ZFHX3: variants seen among roughly 807,000 people sequenced by gnomAD.
ZFHX3 encodes zinc finger homeobox protein 3.
A neutral mutation model predicts 279.1 loss-of-function variants in ZFHX3; 42 were observed. That is an observed-to-expected ratio of 0.15 (90% confidence interval 0.12 to 0.19). ZFHX3 has a LOEUF of 0.19. Among genes scored for constraint, ZFHX3 ranks in the 10% least tolerant of loss-of-function variants. The pLI is 1.00. For missense variants in ZFHX3, 4,981 were observed against 4,754.0 expected, an observed-to-expected ratio of 1.05 and a Z score of -1.40; for synonymous variants, 2,293 against 1,957.8, an observed-to-expected ratio of 1.17 and a Z score of -4.52.
intron 2 of ZFHX3, among the ~76,000 whole-genome samples, chr16:73,523,056 A>T (rs1435076999): frequency 6.6e-6 from 1 of 152,152 alleles, no homozygotes; most frequent in Non-Finnish European, 1.5e-5. Flanking sequence ...ACTACAATTC[A>T]AGATAAGATT....
intron 8 of ZFHX3, among the ~76,000 whole-genome samples, chr16:73,078,801 T>C (rs9926803): frequency 0.2 from 29,724 of 151,966 alleles, 6,631 homozygotes; most frequent in African/African-American, 0.55. Flanking sequence ...TCCGCCACCA[T>C]GCCAGGCAAT....
intron 2 of ZFHX3, chr16:73,487,027 A>G: frequency 3.0e-6 from 1 of 337,532 alleles, no homozygotes; most frequent in South Asian, 2.4e-5. Context: ...ATGGACAGCA[A>G]TAACAGAACT....
Position 73,807,620 on chromosome 16 carries a change from A to ATTTTTTT in ZFHX3, c.-1608+84024_-1608+84030dup, listed in dbSNP as rs55806545. ...TACAGGCACATTCCACCATGCCCCA[A>ATTTTTTT]TTTTTTTTTTTTTTTTTTTTTTTTT... On this transcript the variant is annotated intron_variant, in intron 1 of 17. Coordinates refer to the ZFHX3 transcript ENST00000641206. 6.8e-4 allele frequency among the ~76,000 whole-genome samples: 48 copies of ATTTTTTT among 70,582 alleles called. 2 individuals are homozygous for ATTTTTTT. The highest frequency in any genetic ancestry group is 1.8e-3 in the African/African-American group (32 of 18,274). The allele number at this position is 70,582 out of a possible 152,430, so 46.3% of individuals were successfully genotyped here.
At chr16:73,523,778 T>C (rs1024741893) in intron 2 of ZFHX3, among the ~76,000 whole-genome samples, 1 of 152,156 alleles carries the variant, frequency 6.6e-6, no homozygotes, top group African/African-American at 2.4e-5. Context: ...CTGATGAAAC[T>C]CTATCCTTTA....
At chr16:73,580,504 C>A (rs911196307) in intron 2 of ZFHX3, among the ~76,000 whole-genome samples, 21 of 140,374 alleles carry the variant, frequency 1.5e-4, no homozygotes, top group Non-Finnish European at 2.5e-4. Context: ...AACAAACAAA[C>A]AAACAAAAAA....
At chr16:73,847,714 GT>G (rs1217828112) in intron 1 of ZFHX3, among the ~76,000 whole-genome samples, 146 of 151,996 alleles carry the variant, frequency 9.6e-4, no homozygotes, top group Non-Finnish European at 1.8e-4. Flanking sequence ...TCAGTGTCTA[GT>G]ATATAGCAAG....
At chr16:73,880,227 A>G (rs2030098469) in intron 1 of ZFHX3, among the ~76,000 whole-genome samples, 1 of 152,168 alleles carries the variant, frequency 6.6e-6, no homozygotes, top group Non-Finnish European at 1.5e-5. Context: ...AAATTTTGCC[A>G]TCAAAATGAA....
Position 72,964,980 on chromosome 16 carries a change from C to T in ZFHX3, c.-49-4786G>A, listed in dbSNP as rs146347250. 2.5e-3 allele frequency among the ~76,000 whole-genome samples: 373 copies of T among 152,200 alleles called. 8 individuals carry two copies. The highest frequency in any genetic ancestry group is 0.023 in the Admixed American group (348 of 15,294). On this transcript the variant is annotated intron_variant, in intron 1 of 9. Coordinates refer to ENST00000268489, the MANE Select transcript of ZFHX3 (RefSeq NM_006885.4). ...GCAACCTCTGCCTCTTGGGCTCAAG[C>T]GATTCTCCTGCCTCACCCTCCTGAG... is the stretch of plus-strand genomic sequence containing the variant.
intron 1 of ZFHX3, among the ~76,000 whole-genome samples, chr16:73,713,758 C>T (rs779253805): frequency 2.9e-4 from 44 of 152,028 alleles, no homozygotes; most frequent in East Asian, 1.9e-4. Flanking sequence ...TATGCTCACG[C>T]TTTGACACCA....
In ZFHX3 at chr16:72,784,571, T is replaced by C. The variant is rs1567500849; in HGVS notation, c.*2593A>G. 1 of 151,870 alleles carries C rather than the reference T, an allele frequency of 6.6e-6. No individual in the cohort carries two copies. The highest frequency in any genetic ancestry group is 2.4e-5 in the African/African-American group (1 of 41,310). The allele number at this position is 151,870 out of a possible 1,614,324, so 9.4% of individuals were successfully genotyped here. ...TATATATATATATATTTCATAGAGTTACAAACAAGATAAAATAATGGAAAA... is the reference window on the plus strand; with the variant it reads ...TATATATATATATATTTCATAGAGTCACAAACAAGATAAAATAATGGAAAA... On this transcript the variant is annotated 3_prime_UTR_variant, in exon 10 of 10. Coordinates refer to ENST00000268489, the MANE Select transcript of ZFHX3 (RefSeq NM_006885.4).
intron 4 of ZFHX3, among the ~76,000 whole-genome samples, chr16:73,258,807 T>G (rs888508079): frequency 9.2e-5 from 14 of 152,204 alleles, no homozygotes; most frequent in African/African-American, 3.4e-4. Flanking sequence ...GATCTTTCTT[T>G]TAGACTTTCT....
chr16:73,709,586 T>C (rs755695470), intron 1 of ZFHX3, among the ~76,000 whole-genome samples: 4 of 151,732 alleles, frequency 2.6e-5, no homozygotes, highest in Non-Finnish European at 4.4e-5. Context: ...GTCAAACTCA[T>C]AGAAGTAGAG....
intron 3 of ZFHX3, among the ~76,000 whole-genome samples, chr16:73,338,654 C>A (rs1178689669): frequency 6.6e-6 from 1 of 152,110 alleles, no homozygotes; most frequent in Admixed American, 6.5e-5. Flanking sequence ...TGCACCCCCA[C>A]CCCTGCCAAT....
chr16:73,406,754 A>G (rs1289387407), intron 3 of ZFHX3, among the ~76,000 whole-genome samples: 1 of 152,200 alleles, frequency 6.6e-6, no homozygotes, highest in Non-Finnish European at 1.5e-5. Context: ...ATTTCAGGTC[A>G]ATGATCTGTG....
chr16:73,226,292 A>G (rs1006798069), intron 5 of ZFHX3, among the ~76,000 whole-genome samples: 3 of 152,222 alleles, frequency 2.0e-5, no homozygotes, highest in African/African-American at 7.2e-5. Flanking sequence ...GGTTCCTGCA[A>G]TAAGACAGCG....
chr16:72,967,952 C>T (rs978814238), intron 1 of ZFHX3, among the ~76,000 whole-genome samples: 4 of 145,332 alleles, frequency 2.8e-5, no homozygotes, highest in Non-Finnish European at 6.0e-5. Context: ...AGTTTGAATA[C>T]TAACAGGATA....
intron 1 of ZFHX3, among the ~76,000 whole-genome samples, chr16:73,769,905 G>A (rs2053998614): frequency 6.6e-6 from 1 of 152,160 alleles, no homozygotes; most frequent in South Asian, 2.1e-4. Context: ...CAGCTCCAAA[G>A]GAAAAGATGG....
intron 4 of ZFHX3, among the ~76,000 whole-genome samples, chr16:73,314,021 C>A (rs762151344): frequency 1.3e-5 from 2 of 152,094 alleles, no homozygotes; most frequent in African/African-American, 2.4e-5. Flanking sequence ...ATGGCTTGAG[C>A]TCAGGAGGTG....
chr16:73,814,376 A>G (rs1044183687), intron 1 of ZFHX3, among the ~76,000 whole-genome samples: 1 of 152,194 alleles, frequency 6.6e-6, no homozygotes, highest in African/African-American at 2.4e-5. Flanking sequence ...CTTATAGCCA[A>G]TCACAGCTTT....
Sources: allele counts gnomAD v4.1 joint callset (sites outside exome capture counted in the v4.1 genomes callset), GRCh38; gene constraint gnomAD v4.1.1; transcripts MANE v1.5; gene names NCBI Gene and HGNC (gene_info 2026-07-23, HGNC 2026-07-21).